TRPM2: variants seen among roughly 807,000 people sequenced by gnomAD.
TRPM2 encodes the protein transient receptor potential cation channel subfamily M member 2.
Under a neutral mutation model 174.0 loss-of-function variants are expected in TRPM2, and 161 were observed. That is an observed-to-expected ratio of 0.93 (90% CI 0.81 to 1.05). TRPM2 has a LOEUF of 1.05. Ranked by LOEUF, TRPM2 falls within the 50% of genes least tolerant of loss-of-function variation. The pLI, the probability that TRPM2 is intolerant of heterozygous loss-of-function variation, is 0.00. For missense variants in TRPM2, 2,057 were observed against 2,038.0 expected (o/e 1.01, Z -0.18); for synonymous variants, 954 against 861.3 (o/e 1.11, Z -1.88).
At chr21:44,377,893 AC>A in intron 7 of TRPM2, 120 bp downstream of exon 7, 2 of 1,171,254 alleles carry the variant, frequency 1.7e-6, no homozygotes, top group Non-Finnish European at 2.4e-6. Context: ...GAGCTTTCCC[AC>A]CAGAAGAAGA....
Position 44,390,992 on chromosome 21 carries a change from C to T in TRPM2, c.1407C>T (p.Arg469=). The change falls in exon 10 of 32, where the codon CGC becomes CGT. Residue 469 remains arginine (R), a synonymous_variant. Transcript: ENST00000397928. The part of the protein sequence containing the change: ...AVAWNRVDIA[R]SEIFMDEWQW... ...CATGGAATCGCGTGGACATTGCCCG[C>T]AGTGAGATCTTCATGGATGAGTGGC... The T allele has an allele frequency of 6.2e-7, 1 of 1,614,106 alleles. No homozygotes were observed. Among genetic ancestry groups the T allele is most frequent in the Non-Finnish European group, 8.5e-7 (1 of 1,180,030 alleles).
In TRPM2 at chr21:44,437,130, T is replaced by C; in HGVS notation, c.4130T>C (p.Val1377Ala). 6.4e-7 allele frequency: 1 copy of C among 1,551,334 alleles called. No homozygotes were observed. The highest frequency in any genetic ancestry group is 8.7e-7 in the Non-Finnish European group (1 of 1,146,866). ...AAGAAGATGCTGGAAGTGCTGGTGG[T>C]GAAGCTCCCTCTCTCCGAGCACTGG... Reference protein sequence around the residue: ...SIKKMLEVLVVKLPLSEHWAL... With the variant: ...SIKKMLEVLVAKLPLSEHWAL... The change falls in exon 29 of 32, where the codon GTG becomes GCG. Residue 1377 changes from valine (V) to alanine (A), a missense_variant. Val to Ala is a moderately conservative substitution (Grantham distance 64, BLOSUM62 0). Coordinates refer to ENST00000397928, the MANE Select transcript of TRPM2 (RefSeq NM_003307.4).
chr21:44,379,032 T>C lies in TRPM2; in HGVS notation c.1050T>C (p.Cys350=), dbSNP rs1328421819. 2 of 1,609,494 alleles carry C rather than the reference T, an allele frequency of 1.2e-6. No individual in the cohort carries two copies. The highest frequency in any genetic ancestry group is 2.2e-5 in the South Asian group (2 of 91,058). ...IDNATTNGTP[C]VVVEGSGRVA... is the part of the protein sequence containing the mutation. ...ACGCCACCACCAACGGCACCCCCTG[T>C]GTGGTTGTGGAGGGCTCGGGCCGCG... The change falls in exon 8 of 32, where the codon TGT becomes TGC. Residue 350 remains cysteine (C), a synonymous_variant. Coordinates refer to ENST00000397928, the MANE Select transcript of TRPM2 (RefSeq NM_003307.4).
rs185217630 is a variant in TRPM2 at position 44,430,942 on chromosome 21, A to G, written c.3974+3831A>G. Among the ~76,000 whole-genome samples the G allele has an allele frequency of 5.9e-3, 881 of 148,316 alleles. 7 individuals carry two copies. Among genetic ancestry groups the G allele is most frequent in the African/African-American group, 0.019 (787 of 41,114 alleles). On this transcript the variant is annotated intron_variant, in intron 27 of 31. Transcript: ENST00000397928. ...ATAGTAATTTCTCTTTTGAGCATTG[A>G]TATTTATTATGTATTTCTCTTCTTT...
In TRPM2 at chr21:44,354,831, G is replaced by A. The variant is rs2048009632; in HGVS notation, c.254+95G>A. ...GGCCAAGACCCCTCAGGGCCTCAGT[G>A]AAGGGTCACTGGAGATACCTCTGTC... is the stretch of plus-strand genomic sequence containing the variant. On this transcript the variant is annotated intron_variant, in intron 2 of 31. Coordinates refer to ENST00000397928, the MANE Select transcript of TRPM2 (RefSeq NM_003307.4). This position sits in a 1 kb window ranked among gnomAD's most constrained non-coding sequence, Gnocchi z 4.3. The A allele has an allele frequency of 9.1e-7, 1 of 1,100,478 alleles. No homozygotes were observed. Among genetic ancestry groups the A allele is most frequent in the South Asian group, 1.3e-5 (1 of 79,264 alleles). The allele number at this position is 1,100,478 out of a possible 1,614,324, so 68.2% of individuals were successfully genotyped here. A position where few individuals can be genotyped will look rare whatever the true frequency, so the allele number is the denominator to read the frequency against.
intron 27 of TRPM2, among the ~76,000 whole-genome samples, chr21:44,427,743 A>G (rs1159973972): frequency 1.3e-5 from 2 of 152,046 alleles, no homozygotes; most frequent in Non-Finnish European, 2.9e-5. Context: ...GGACGGGGGG[A>G]CTGCGTGGCA....
intron 27 of TRPM2, among the ~76,000 whole-genome samples, chr21:44,427,950 G>A (rs1175959304): frequency 6.6e-6 from 1 of 152,096 alleles, no homozygotes; most frequent in Non-Finnish European, 1.5e-5. Flanking sequence ...GCATCCGGTG[G>A]CTATGGGAAG....
intron 12 of TRPM2, among the ~76,000 whole-genome samples, chr21:44,397,289 G>A (rs1017074568): frequency 6.6e-6 from 1 of 152,030 alleles, no homozygotes; most frequent in Non-Finnish European, 1.5e-5. Context: ...CGCCTGCCTC[G>A]GCCTTCCAAA....
At chr21:44,400,485 C>A in intron 15 of TRPM2, 114 bp downstream of exon 15, 1 of 893,098 alleles carries the variant, frequency 1.1e-6, no homozygotes, top group South Asian at 1.6e-5. Context: ...CATGTGTCCT[C>A]AGAATTGTCC....
chr21:44,357,112 G>T lies in TRPM2; in HGVS notation c.254+2376G>T, dbSNP rs1257935705. Among the ~76,000 whole-genome samples the T allele has an allele frequency of 2.6e-5, 4 of 152,238 alleles. No individual in the cohort carries two copies. In the East Asian group the frequency reaches 7.7e-4, roughly 29 times the overall value. On this transcript the variant is annotated intron_variant, in intron 2 of 31. Coordinates refer to ENST00000397928, the MANE Select transcript of TRPM2 (RefSeq NM_003307.4). ...TCCTGTGACTTAGAATGCCTTAACC[G>T]TCTGGGAAGGCAGCCCAGCAGGTTT...
chr21:44,376,060 G>A lies in TRPM2; in HGVS notation c.952+47G>A. 6.3e-7 allele frequency: 1 copy of A among 1,589,884 alleles called. No individual in the cohort carries two copies. The highest frequency in any genetic ancestry group is 8.6e-7 in the Non-Finnish European group (1 of 1,164,734). Reference sequence around the variant, plus strand: ...GGTGATTGGGCAGAGAGCACAGTGGGCTGGTCAGAGTGTCAGGTACAGCTG... The same window carrying A: ...GGTGATTGGGCAGAGAGCACAGTGGACTGGTCAGAGTGTCAGGTACAGCTG... On this transcript the variant is annotated intron_variant, in intron 6 of 31. Coordinates refer to ENST00000397928, the MANE Select transcript of TRPM2 (RefSeq NM_003307.4). The surrounding 1 kb of genome is among the most constrained non-coding windows in gnomAD (Gnocchi z 4.2).
chr21:44,365,253 A>G (rs1390365523), intron 3 of TRPM2, among the ~76,000 whole-genome samples: 2 of 152,182 alleles, frequency 1.3e-5, no homozygotes, highest in African/African-American at 4.8e-5. Flanking sequence ...TGAGACAGTG[A>G]TTGGGTGCCA....
At chr21:44,412,815 T>C (rs1269900922) in intron 19 of TRPM2, among the ~76,000 whole-genome samples, 2 of 152,070 alleles carry the variant, frequency 1.3e-5, no homozygotes, top group Non-Finnish European at 2.9e-5. Flanking sequence ...GAAGTTACGT[T>C]AATAATTTCA....
At chr21:44,370,948 C>T (rs988233280) in intron 5 of TRPM2, among the ~76,000 whole-genome samples, 3 of 152,074 alleles carry the variant, frequency 2.0e-5, no homozygotes, top group African/African-American at 7.2e-5. Context: ...CTGTGGACGG[C>T]GGAGGGTGTG....
At position 44,366,490 on chromosome 21, in the gene TRPM2, G is replaced by C. The variant is rs1017975024; in HGVS notation, c.424-264G>C. On this transcript the variant is annotated intron_variant, in intron 3 of 31. Transcript: ENST00000397928. This position sits in a 1 kb window ranked among gnomAD's most constrained non-coding sequence, Gnocchi z 6.0. ...AGGAAGAGGAAAAAGTGGGTGCCGTGGGGGCACGAGGGCTGGGGGAGGTTT... is the reference window on the plus strand; with the variant it reads ...AGGAAGAGGAAAAAGTGGGTGCCGTCGGGGCACGAGGGCTGGGGGAGGTTT... 3.3e-5 allele frequency among the ~76,000 whole-genome samples: 5 copies of C among 152,162 alleles called. No homozygotes were observed. Among genetic ancestry groups the C allele is most frequent in the African/African-American group, 7.2e-5 (3 of 41,448 alleles).
intron 11 of TRPM2, among the ~76,000 whole-genome samples, 175 bp from the exon 12 acceptor site, chr21:44,395,239 A>G (rs1159809869): frequency 6.6e-6 from 1 of 152,214 alleles, no homozygotes; most frequent in Non-Finnish European, 1.5e-5. Flanking sequence ...AAAAAACTTC[A>G]GTGTGCATAA....
At chr21:44,413,686 G>A (rs1290657822) in intron 19 of TRPM2, among the ~76,000 whole-genome samples, 1 of 152,140 alleles carries the variant, frequency 6.6e-6, no homozygotes, top group Non-Finnish European at 1.5e-5. Context: ...TCTGCCCCCG[G>A]GGCCTCCTAC....
chr21:44,421,028 A>T (rs1467648752), intron 22 of TRPM2, among the ~76,000 whole-genome samples: 1 of 152,160 alleles, frequency 6.6e-6, no homozygotes, highest in African/African-American at 2.4e-5. Context: ...CCCCAAATGA[A>T]TCAGTCCCAG....
chr21:44,359,503 C>T (rs117764492), intron 2 of TRPM2, among the ~76,000 whole-genome samples: 2 of 151,714 alleles, frequency 1.3e-5, no homozygotes, highest in African/African-American at 2.4e-5. Context: ...ACAGTCAATA[C>T]GTGGCGGGGA....
Sources: allele counts gnomAD v4.1 joint callset (sites outside exome capture counted in the v4.1 genomes callset), GRCh38; gene constraint gnomAD v4.1.1; non-coding constraint Gnocchi (gnomAD v3.1); transcripts MANE v1.5; gene names NCBI Gene and HGNC (gene_info 2026-07-23, HGNC 2026-07-21).